Variants in ADGRD1 observed in about 807,000 individuals in gnomAD.
ADGRD1 encodes the protein G-protein coupled receptor 133.
A neutral mutation model predicts 113.4 loss-of-function variants in ADGRD1; 77 were observed. The ratio of observed to expected loss-of-function variants is 0.68; its 90% CI spans 0.57 to 0.82. The LOEUF (loss-of-function observed/expected upper bound fraction) is 0.82, where lower values mean the gene tolerates loss of function less well. Ranked by LOEUF, ADGRD1 falls within the 40% of genes least tolerant of loss-of-function variation. The probability of loss-of-function intolerance (pLI) is 0.00; values close to 1 mark genes in which losing one functional copy is unlikely to be tolerated. For synonymous variants in ADGRD1, 474 were observed against 475.0 expected (o/e 1.00, Z 0.03); for missense variants, 1,036 against 1,139.1 (o/e 0.91, Z 1.30).
chr12:131,096,275 T>C lies in ADGRD1; in HGVS notation c.1672-8556T>C, dbSNP rs886436745. On this transcript the variant is annotated intron_variant, in intron 15 of 24. Coordinates refer to ENST00000261654, the MANE Select transcript of ADGRD1 (RefSeq NM_198827.5). This position sits in a 1 kb window ranked among gnomAD's most constrained non-coding sequence, Gnocchi z 5.2. ...CAATTTATTTGTGTTAGAGACAAGG[T>C]TGCACGCTGTGGTCCAGGCTGGAGT... Among the ~76,000 whole-genome samples, 2 of 152,208 alleles carry C rather than the reference T, an allele frequency of 1.3e-5. No homozygotes were observed. The highest frequency in any genetic ancestry group is 2.4e-5 in the African/African-American group (1 of 41,448).
intron 15 of ADGRD1, among the ~76,000 whole-genome samples, chr12:131,087,779 C>G (rs4759537): frequency 0.78 from 118,286 of 152,146 alleles, 48,144 homozygotes; most frequent in East Asian, 0.92. Flanking sequence ...GCAGACCCCA[C>G]AGCCTCCATG....
chr12:131,090,769 G>A (rs1010362875), intron 15 of ADGRD1, among the ~76,000 whole-genome samples: 12 of 152,218 alleles, frequency 7.9e-5, no homozygotes, highest in African/African-American at 2.2e-4. Flanking sequence ...CAGTGGTTCC[G>A]GAGTGCATGA....
At position 131,139,194 on chromosome 12, in the gene ADGRD1, C is replaced by T. The variant is rs1566147815; in HGVS notation, c.2556C>T (p.Ala852=). ...DLMNGTRPGM[A]STKLSPWDKS... ...TGAATGGGACCCGGCCAGGCATGGCCTCCACCAAGCTCAGCCCTTGGGACA... is the reference window on the plus strand; with the variant it reads ...TGAATGGGACCCGGCCAGGCATGGCTTCCACCAAGCTCAGCCCTTGGGACA... Residue 852 remains alanine, a synonymous_variant, in exon 25 of 25, where the codon GCC becomes GCT. Transcript: ENST00000261654. 2 of 1,613,202 alleles carry T rather than the reference C, an allele frequency of 1.2e-6. No homozygotes were observed. The highest frequency in any genetic ancestry group is 8.5e-7 in the Non-Finnish European group (1 of 1,179,902).
At position 131,104,935 on chromosome 12, in the gene ADGRD1, G is replaced by GT. The variant is rs1566113926; in HGVS notation, c.1775+2dup. The GT allele has an allele frequency of 6.5e-7, 1 of 1,545,428 alleles. No homozygotes were observed. On this transcript the variant is annotated splice_donor_variant, in intron 16 of 24. Transcript: ENST00000261654. LOFTEE classifies it high-confidence loss of function. ...CGCTGGTCACCTTCGCCGTGCTGTC[G>GT]TGAGTCCCCTTTTCTAATCCACCCA...
intron 13 of ADGRD1, among the ~76,000 whole-genome samples, chr12:131,071,247 A>G: frequency 2.0e-5 from 2 of 98,428 alleles, no homozygotes; most frequent in African/African-American, 4.0e-5. Flanking sequence ...AAGCGAAAGG[A>G]GGTGGAGCCA....
chr12:131,100,714 G>T (rs1349889777), intron 15 of ADGRD1, among the ~76,000 whole-genome samples: 2 of 152,158 alleles, frequency 1.3e-5, no homozygotes, highest in Admixed American at 6.5e-5. Flanking sequence ...ACTCCCATTT[G>T]TCAGAAACTC....
At chr12:131,089,397 C>T (rs1041922653) in intron 15 of ADGRD1, among the ~76,000 whole-genome samples, 1 of 152,268 alleles carries the variant, frequency 6.6e-6, no homozygotes, top group African/African-American at 2.4e-5. Flanking sequence ...ACCGGCCCCA[C>T]TGGCTGCCGG....
chr12:131,092,929 G>C (rs1428219405), intron 15 of ADGRD1, among the ~76,000 whole-genome samples: 1 of 149,662 alleles, frequency 6.7e-6, no homozygotes, highest in Non-Finnish European at 1.5e-5. Flanking sequence ...ATGTGGCCAC[G>C]CTGGGCTTCC....
In ADGRD1 at chr12:130,984,933, CTT is replaced by C. The variant is rs955895038; in HGVS notation, c.491-2160_491-2159del. 1.1e-4 allele frequency among the ~76,000 whole-genome samples: 17 copies of C among 150,770 alleles called. No homozygotes were observed. Among genetic ancestry groups the C allele is most frequent in the African/African-American group, 3.9e-4 (16 of 40,952 alleles). ...TCACTCTCTCTCTCCTCTCTTCTCT[CTT>C]TCTCTCTTTCTTTCTTTTTCTTTCT... On this transcript the variant is annotated intron_variant, in intron 5 of 24. Coordinates refer to ENST00000261654, the MANE Select transcript of ADGRD1 (RefSeq NM_198827.5). This position sits in a 1 kb window ranked among gnomAD's most constrained non-coding sequence, Gnocchi z 4.1.
intron 13 of ADGRD1, among the ~76,000 whole-genome samples, chr12:131,019,923 G>A (rs1879105143): frequency 2.1e-5 from 1 of 46,822 alleles, no homozygotes; most frequent in East Asian, 1.4e-3. Flanking sequence ...AGGGCAGGGG[G>A]TGCTCGAGGG....
At chr12:130,968,750 C>T (rs1031000803) in intron 3 of ADGRD1, 37 of 538,978 alleles carry the variant, frequency 6.9e-5, no homozygotes, top group Admixed American at 3.2e-4. Context: ...GCAGCCATCA[C>T]GCCCTGGTGT....
At chr12:131,004,859 G>C (rs941312544) in intron 11 of ADGRD1, among the ~76,000 whole-genome samples, 1 of 152,338 alleles carries the variant, frequency 6.6e-6, no homozygotes, top group Non-Finnish European at 1.5e-5. Context: ...TGGGAGCCCA[G>C]ATGGCCCTGG....
chr12:131,004,076 T>C, intron 10 of ADGRD1, 110 bp from the exon 11 acceptor site: 1 of 624,658 alleles, frequency 1.6e-6, no homozygotes, highest in Non-Finnish European at 2.9e-6. Context: ...ATACTTCCCG[T>C]GGGGAGCTTG....
rs61220467 is a variant in ADGRD1 at position 130,963,319 on chromosome 12, C to CA, written c.104-3121dup. On this transcript the variant is annotated intron_variant, in intron 2 of 24. Transcript: ENST00000261654. ...TGGGCGACAGAGCCAGACTCCGTCTCAAAAAAAAAAAAAAAAAAAAAAAGA... is the reference window on the plus strand; with the variant it reads ...TGGGCGACAGAGCCAGACTCCGTCTCAAAAAAAAAAAAAAAAAAAAAAAAGA... Among the ~76,000 whole-genome samples, 60 of 74,960 alleles carry CA rather than the reference C, an allele frequency of 8.0e-4. 1 individual carries two copies. The highest frequency in any genetic ancestry group is 2.3e-3 in the African/African-American group (43 of 19,034). 49.2% of individuals were successfully genotyped at this position (74,960 alleles called of 152,430 possible). A position where few individuals can be genotyped will look rare whatever the true frequency, so the allele number is the denominator to read the frequency against.
intron 14 of ADGRD1, among the ~76,000 whole-genome samples, chr12:131,079,738 CAA>C (rs1406452638): frequency 6.6e-6 from 1 of 152,114 alleles, no homozygotes; most frequent in African/African-American, 2.4e-5. Context: ...TCAATTTCAT[CAA>C]AGTTGTTTAA....
intron 13 of ADGRD1, among the ~76,000 whole-genome samples, chr12:131,043,974 C>T (rs150420788): frequency 2.2e-3 from 334 of 152,216 alleles, no homozygotes; most frequent in Non-Finnish European, 3.6e-3. Flanking sequence ...AGCATTTGGC[C>T]GGGCCACTAG....
At chr12:131,031,905 G>C (rs1880803967) in intron 13 of ADGRD1, among the ~76,000 whole-genome samples, 1 of 152,192 alleles carries the variant, frequency 6.6e-6, no homozygotes. Context: ...TGCCTTCCCT[G>C]TGGGAAGCTG....
At chr12:130,979,815 T>TCACACACACACACACACACACA (rs1491129989) in intron 4 of ADGRD1, among the ~76,000 whole-genome samples, 15 of 139,836 alleles carry the variant, frequency 1.1e-4, no homozygotes, top group African/African-American at 4.4e-4. Context: ...GCAGCTAGTG[T>TCACACACACACACACACACACA]CTCACACACA....
intron 8 of ADGRD1, among the ~76,000 whole-genome samples, chr12:130,996,405 G>T (rs1486377962): frequency 9.2e-6 from 1 of 108,306 alleles, no homozygotes; most frequent in Admixed American, 8.6e-5. Context: ...CGGGCGGGGG[G>T]CTGACCCCCC....
Sources: allele counts gnomAD v4.1 joint callset (sites outside exome capture counted in the v4.1 genomes callset), GRCh38; gene constraint gnomAD v4.1.1; non-coding constraint Gnocchi (gnomAD v3.1); transcripts MANE v1.5; gene names NCBI Gene and HGNC (gene_info 2026-07-23, HGNC 2026-07-21).